PIK3R5: variants seen among roughly 807,000 people sequenced by gnomAD.
The protein encoded by PIK3R5 is phosphoinositide 3-kinase regulatory subunit 5.
In PIK3R5, 32 loss-of-function variants were observed where a neutral mutation model predicts 94.9. The observed-to-expected ratio is 0.34, with a 90% CI of 0.25 to 0.45. The LOEUF (loss-of-function observed/expected upper bound fraction) is 0.45. Among genes scored for constraint, PIK3R5 ranks in the 20% least tolerant of loss-of-function variants. The pLI is 1.00. For synonymous variants in PIK3R5, 443 were observed against 479.4 expected (o/e 0.92, Z 0.99); for missense variants, 853 against 1,144.6 (o/e 0.75, Z 3.68).
At chr17:8,931,576 A>G (rs917627447) in intron 1 of PIK3R5, among the ~76,000 whole-genome samples, 1 of 152,196 alleles carries the variant, frequency 6.6e-6, no homozygotes, top group Non-Finnish European at 1.5e-5. Context: ...TTCCGAGTTG[A>G]GGAGACAGAA....
intron 1 of PIK3R5, among the ~76,000 whole-genome samples, chr17:8,956,278 G>A (rs935702207): frequency 3.3e-5 from 5 of 152,036 alleles, no homozygotes; most frequent in Admixed American, 2.0e-4. Context: ...AGCCACCAGT[G>A]ACCTGAAAGG....
chr17:8,880,631 G>A lies in PIK3R5; in HGVS notation c.*8C>T, dbSNP rs2089629792. 6 of 1,599,138 alleles carry A rather than the reference G, an allele frequency of 3.8e-6. No individual in the cohort carries two copies. Among genetic ancestry groups the A allele is most frequent in the Non-Finnish European group, 5.1e-6 (6 of 1,172,808 alleles). On this transcript the variant is annotated 3_prime_UTR_variant, in exon 19 of 19. Transcript: ENST00000447110. ...AGGGCTTCTGTCCAGTCTGGCGCTG[G>A]GCCCACACTAGGGCAGAGCTCCACT...
chr17:8,958,065 C>T (rs1276274175), intron 1 of PIK3R5, among the ~76,000 whole-genome samples: 1 of 152,212 alleles, frequency 6.6e-6, no homozygotes, highest in East Asian at 1.9e-4. Flanking sequence ...AATCCCAGCA[C>T]TTTGGGAGGC....
In PIK3R5 at chr17:8,881,593, C is replaced by G. The variant is rs769269929; in HGVS notation, c.2382+37G>C. The G allele has an allele frequency of 3.1e-5, 44 of 1,412,398 alleles. No individual in the cohort carries two copies. Among genetic ancestry groups the G allele is most frequent in the Non-Finnish European group, 5.0e-6 (5 of 1,006,616 alleles). 87.5% of individuals were successfully genotyped at this position (1,412,398 alleles called of 1,614,324 possible). On this transcript the variant is annotated intron_variant, in intron 17 of 18. Transcript: ENST00000447110. This position sits in a 1 kb window ranked among gnomAD's most constrained non-coding sequence, Gnocchi z 4.8. ...CGCACATGCACGCTCCAGTAAGTCT[C>G]TTGAGGGTATGGCTGGAAGGAGAGG...
At chr17:8,953,954 ACT>A (rs1256831823) in intron 1 of PIK3R5, among the ~76,000 whole-genome samples, 1 of 151,478 alleles carries the variant, frequency 6.6e-6, no homozygotes, top group Non-Finnish European at 1.5e-5. Flanking sequence ...AGAGAGTGTC[ACT>A]CTCCATCATG....
intron 1 of PIK3R5, chr17:8,916,125 C>G (rs1837161919): frequency 6.6e-6 from 1 of 152,368 alleles, no homozygotes; most frequent in South Asian, 2.1e-4. Context: ...GCCTGAGCCA[C>G]TAGCCCCTGG....
chr17:8,963,331 G>T (rs1350667375), intron 1 of PIK3R5, among the ~76,000 whole-genome samples: 1 of 151,986 alleles, frequency 6.6e-6, no homozygotes, highest in Non-Finnish European at 1.5e-5. Context: ...CAAACTCTAG[G>T]CTACCCAGGC....
In PIK3R5 at chr17:8,893,176, AG is replaced by A. The variant is rs2151379144; in HGVS notation, c.482+409del. Among the ~76,000 whole-genome samples the A allele has an allele frequency of 6.6e-6, 1 of 152,054 alleles. No individual in the cohort carries two copies. Among genetic ancestry groups the A allele is most frequent in the African/African-American group, 2.4e-5 (1 of 41,438 alleles). ...CACTGTTTTAGTAACAGACAGAAGG[AG>A]ATTGTGGAAATATCATGGGCTTCTG... On this transcript the variant is annotated intron_variant, in intron 6 of 18. Transcript: ENST00000447110. The surrounding 1 kb of genome is among the most constrained non-coding windows in gnomAD (Gnocchi z 5.1).
Position 8,890,646 on chromosome 17 carries a change from T to A in PIK3R5, c.657+92A>T, listed in dbSNP as rs538281899. On this transcript the variant is annotated intron_variant, in intron 7 of 18. Transcript: ENST00000447110. The surrounding 1 kb of genome is among the most constrained non-coding windows in gnomAD (Gnocchi z 6.1). ...TCACCTGGGTGCAGGAGACTAAGTG[T>A]ACCCTGGAGACCGTGGCTGAGATGA... 9.6e-6 allele frequency: 11 copies of A among 1,148,052 alleles called. No individual in the cohort carries two copies. In the African/African-American group the frequency reaches 1.4e-4, roughly 14 times the overall value. The allele number at this position is 1,148,052 out of a possible 1,614,324, so 71.1% of individuals were successfully genotyped here.
At chr17:8,905,543 T>A (rs1431823568) in intron 4 of PIK3R5, 126 bp downstream of exon 4, 2 of 618,950 alleles carry the variant, frequency 3.2e-6, no homozygotes, top group African/African-American at 3.9e-5. Context: ...GAAACCCATT[T>A]CACATGCCGC....
At position 8,893,046 on chromosome 17, in the gene PIK3R5, CTGTGTGTGTGTGTG is replaced by C. The variant is rs199732856; in HGVS notation, c.482+526_482+539del. Among the ~76,000 whole-genome samples, 11 of 135,884 alleles carry C rather than the reference CTGTGTGTGTGTGTG, an allele frequency of 8.1e-5. No individual in the cohort carries two copies. Among genetic ancestry groups the C allele is most frequent in the Non-Finnish European group, 1.1e-4 (7 of 64,296 alleles). 89.1% of individuals were successfully genotyped at this position (135,884 alleles called of 152,430 possible). ...GTAACCAGGATACATTTCATTTCAG[CTGTGTGTGTGTGTG>C]TGTGTGTGTGTGTGTGTGTGTGTGT... On this transcript the variant is annotated intron_variant, in intron 6 of 18. Transcript: ENST00000447110. The surrounding 1 kb of genome is among the most constrained non-coding windows in gnomAD (Gnocchi z 5.1).
chr17:8,921,532 G>A (rs2090743998), intron 1 of PIK3R5, among the ~76,000 whole-genome samples: 1 of 152,164 alleles, frequency 6.6e-6, no homozygotes, highest in African/African-American at 2.4e-5. Context: ...CCAAAGAACA[G>A]AGTTAGGTAA....
chr17:8,891,949 C>T (rs77177087), intron 6 of PIK3R5, among the ~76,000 whole-genome samples: 1,790 of 152,260 alleles, frequency 0.012, 36 homozygotes, highest in African/African-American at 0.041. Context: ...GAATCGTGGG[C>T]TCTGAGGCGC....
chr17:8,886,614 A>G lies in PIK3R5; in HGVS notation c.1906-9T>C. The G allele has an allele frequency of 6.4e-7, 1 of 1,573,610 alleles. No individual in the cohort carries two copies. The highest frequency in any genetic ancestry group is 8.6e-7 in the Non-Finnish European group (1 of 1,163,838). ...TCAGCCTTCAGGGACTGCTGTGGCC[A>G]GAGGGAAGGGGCAGCCAAGCCAGAT... On this transcript the variant is annotated splice_polypyrimidine_tract_variant and intron_variant, in intron 12 of 18. Transcript: ENST00000447110.
At chr17:8,923,082 A>C (rs913817859) in intron 1 of PIK3R5, among the ~76,000 whole-genome samples, 2 of 152,142 alleles carry the variant, frequency 1.3e-5, no homozygotes, top group Non-Finnish European at 2.9e-5. Context: ...TGTACACAGC[A>C]CTGACCCTGG....
chr17:8,928,641 G>T (rs754854584), intron 1 of PIK3R5, among the ~76,000 whole-genome samples: 1 of 152,214 alleles, frequency 6.6e-6, no homozygotes, highest in African/African-American at 2.4e-5. Context: ...TCAGCCTAGA[G>T]TCCAATATCC....
intron 1 of PIK3R5, among the ~76,000 whole-genome samples, chr17:8,927,106 C>T (rs78076336): frequency 0.038 from 5,789 of 152,246 alleles, 172 homozygotes; most frequent in Middle Eastern, 0.058. Flanking sequence ...CCTGGCTTCT[C>T]TTTTTGCCTT....
At chr17:8,954,922 A>G (rs2091441207) in intron 1 of PIK3R5, among the ~76,000 whole-genome samples, 1 of 136,024 alleles carries the variant, frequency 7.4e-6, no homozygotes, top group Non-Finnish European at 1.5e-5. Flanking sequence ...GGGCAACAGG[A>G]GCAAAACTCC....
chr17:8,954,473 C>T (rs964297336), intron 1 of PIK3R5, among the ~76,000 whole-genome samples: 5 of 152,172 alleles, frequency 3.3e-5, no homozygotes, highest in Non-Finnish European at 5.9e-5. Context: ...GGACAGGAAG[C>T]CCCTCTGCCT....
Sources: allele counts gnomAD v4.1 joint callset (sites outside exome capture counted in the v4.1 genomes callset), GRCh38; gene constraint gnomAD v4.1.1; non-coding constraint Gnocchi (gnomAD v3.1); transcripts MANE v1.5; gene names NCBI Gene and HGNC (gene_info 2026-07-23, HGNC 2026-07-21).